Variants in FAM241A observed in about 807,000 individuals in gnomAD.
The protein encoded by FAM241A is uncharacterized protein FAM241A.
A neutral mutation model predicts 12.2 loss-of-function variants in FAM241A; 7 were observed. The observed-to-expected ratio is 0.58, with a 90% CI of 0.33 to 1.08. The LOEUF is 1.08. FAM241A is among the 50% of genes least tolerant of loss of function. The pLI, the probability that FAM241A is intolerant of heterozygous loss-of-function variation, is 0.04. For synonymous variants in FAM241A, 74 were observed against 68.2 expected (o/e 1.08, Z -0.42); for missense variants, 161 against 169.7 (o/e 0.95, Z 0.29).
intron 1 of FAM241A, among the ~76,000 whole-genome samples, chr4:112,163,661 A>G (rs1052302589): frequency 2.0e-5 from 3 of 152,244 alleles, no homozygotes; most frequent in African/African-American, 7.2e-5. Context: ...TTAGGAAACA[A>G]CTGGTGCTGG....
At chr4:112,149,373 C>T (rs761231377) in intron 1 of FAM241A, among the ~76,000 whole-genome samples, 7 of 152,112 alleles carry the variant, frequency 4.6e-5, no homozygotes, top group Non-Finnish European at 1.0e-4. Flanking sequence ...AAGGTTGTGT[C>T]ATTTTCCCAT....
At position 112,166,974 on chromosome 4, in the gene FAM241A, C is replaced by T. The variant is rs1165383727; in HGVS notation, c.154-19719C>T. Among the ~76,000 whole-genome samples, 3 of 105,444 alleles carry T rather than the reference C, an allele frequency of 2.8e-5. 1 individual carries two copies. The allele number at this position is 105,444 out of a possible 152,430, so 69.2% of individuals were successfully genotyped here. A position where few individuals can be genotyped will look rare whatever the true frequency, so the allele number is the denominator to read the frequency against. ...CTAAAAATACAAAAAATTAGCCGGG[C>T]GTAGTGGCGGGCGCCTGTAGTCCCA... On this transcript the variant is annotated intron_variant, in intron 1 of 1. Transcript: ENST00000309733.
At chr4:112,162,095 G>A (rs968233381) in intron 1 of FAM241A, among the ~76,000 whole-genome samples, 4 of 152,082 alleles carry the variant, frequency 2.6e-5, no homozygotes, top group African/African-American at 7.2e-5. Context: ...AAAGGCCTTC[G>A]ACAAAATTCA....
chr4:112,194,007 A>G lies in FAM241A; in HGVS notation c.*7069A>G, dbSNP rs562612624. On this transcript the variant is annotated 3_prime_UTR_variant, in exon 2 of 2. Coordinates refer to ENST00000309733, the MANE Select transcript of FAM241A (RefSeq NM_152400.3). ...ATGGAATGTTCTTCCATTTGTTTGTATCCTCTTTTATTTCATTGAGCAGTG... is the reference window on the plus strand; with the variant it reads ...ATGGAATGTTCTTCCATTTGTTTGTGTCCTCTTTTATTTCATTGAGCAGTG... The G allele has an allele frequency of 2.8e-4, 41 of 147,132 alleles. No homozygotes were observed. Among genetic ancestry groups the G allele is most frequent in the Admixed American group, 1.5e-3 (22 of 14,676 alleles). The allele number at this position is 147,132 out of a possible 1,614,324, so 9.1% of individuals were successfully genotyped here.
intron 1 of FAM241A, among the ~76,000 whole-genome samples, chr4:112,152,576 A>G (rs1414700806): frequency 6.6e-6 from 1 of 152,068 alleles, no homozygotes; most frequent in African/African-American, 2.4e-5. Context: ...TTTCTCACAC[A>G]TTCCTTTTCT....
intron 1 of FAM241A, among the ~76,000 whole-genome samples, chr4:112,146,090 C>A (rs1412700538): frequency 1.3e-5 from 2 of 152,172 alleles, no homozygotes; most frequent in Non-Finnish European, 2.9e-5. Flanking sequence ...GTAAACACTT[C>A]TTTTTCAACT....
At chr4:112,146,483 A>T (rs1408122162) in intron 1 of FAM241A, among the ~76,000 whole-genome samples, 1 of 152,216 alleles carries the variant, frequency 6.6e-6, no homozygotes, top group Non-Finnish European at 1.5e-5. Flanking sequence ...AGATTAGGCA[A>T]AAGGTTTAAT....
At chr4:112,178,120 A>G (rs951719653) in intron 1 of FAM241A, among the ~76,000 whole-genome samples, 1 of 152,168 alleles carries the variant, frequency 6.6e-6, no homozygotes, top group African/African-American at 2.4e-5. Context: ...GTGACAGAAA[A>G]TAGATATATA....
rs989157127 is a variant in FAM241A, at chr4:112,190,400, A to G, written c.*3462A>G. ...GGAGAAAAAAAAATGTAAGACGGCC[A>G]GGCGCGGTGGCTCATCCCTATAAAA... On this transcript the variant is annotated 3_prime_UTR_variant, in exon 2 of 2. Transcript: ENST00000309733. 6.6e-6 allele frequency: 1 copy of G among 152,106 alleles called. No individual in the cohort carries two copies. Among genetic ancestry groups the G allele is most frequent in the African/African-American group, 2.4e-5 (1 of 41,432 alleles). 9.4% of individuals were successfully genotyped at this position (152,106 alleles called of 1,614,324 possible). A position where few individuals can be genotyped will look rare whatever the true frequency, so the allele number is the denominator to read the frequency against.
At chr4:112,173,362 G>A (rs950958418) in intron 1 of FAM241A, among the ~76,000 whole-genome samples, 1 of 152,194 alleles carries the variant, frequency 6.6e-6, no homozygotes, top group African/African-American at 2.4e-5. Context: ...ATAGGTTTGA[G>A]TGTGACATTT....
At chr4:112,170,990 G>T (rs1197336224) in intron 1 of FAM241A, among the ~76,000 whole-genome samples, 1 of 151,792 alleles carries the variant, frequency 6.6e-6, no homozygotes, top group Non-Finnish European at 1.5e-5. Flanking sequence ...GGGATTAAAG[G>T]TTAGAGATTG....
At chr4:112,181,598 T>A (rs747858436) in intron 1 of FAM241A, among the ~76,000 whole-genome samples, 2 of 152,178 alleles carry the variant, frequency 1.3e-5, no homozygotes, top group South Asian at 4.1e-4. Flanking sequence ...TCAGAATGCA[T>A]TGAAAGAGCA....
In FAM241A at chr4:112,179,918, T is replaced by TAG. The variant is rs933113839; in HGVS notation, c.154-6774_154-6773insGA. Among the ~76,000 whole-genome samples the TAG allele has an allele frequency of 1.2e-4, 15 of 123,056 alleles. 1 individual carries two copies. Among genetic ancestry groups the TAG allele is most frequent in the African/African-American group, 4.5e-4 (15 of 33,676 alleles). The allele number at this position is 123,056 out of a possible 152,430, so 80.7% of individuals were successfully genotyped here. Reference sequence around the variant, plus strand: ...TGGATTGCATAAAGAAAATGTGATATATATATATATATATATATATGTATA... The same window carrying TAG: ...TGGATTGCATAAAGAAAATGTGATATAGATATATATATATATATATATGTATA... On this transcript the variant is annotated intron_variant, in intron 1 of 1. Transcript: ENST00000309733.
chr4:112,178,315 C>G (rs897658565), intron 1 of FAM241A, among the ~76,000 whole-genome samples: 2 of 152,110 alleles, frequency 1.3e-5, no homozygotes, highest in African/African-American at 2.4e-5. Flanking sequence ...GTGGATCAAA[C>G]TGATTTCACA....
chr4:112,194,075 G>T lies in FAM241A; in HGVS notation c.*7137G>T, dbSNP rs1724219729. ...AAGAGGTCCTTCACGTCCCTTGTAA[G>T]TTGGATTCCTAGGTATTTTGTTCTC... On this transcript the variant is annotated 3_prime_UTR_variant, in exon 2 of 2. Coordinates refer to ENST00000309733, the MANE Select transcript of FAM241A (RefSeq NM_152400.3). The T allele has an allele frequency of 7.1e-6, 1 of 139,868 alleles. No homozygotes were observed. Among genetic ancestry groups the T allele is most frequent in the African/African-American group, 2.8e-5 (1 of 35,346 alleles). 8.7% of individuals were successfully genotyped at this position (139,868 alleles called of 1,614,324 possible). A position where few individuals can be genotyped will look rare whatever the true frequency, so the allele number is the denominator to read the frequency against.
intron 1 of FAM241A, among the ~76,000 whole-genome samples, chr4:112,176,972 T>G (rs891329426): frequency 3.3e-5 from 5 of 152,214 alleles, no homozygotes; most frequent in Non-Finnish European, 7.4e-5. Flanking sequence ...TGAAGTCTTA[T>G]GGGTTTGCTT....
In FAM241A at chr4:112,187,095, T is replaced by C. The variant is rs1724063642; in HGVS notation, c.*157T>C. On this transcript the variant is annotated 3_prime_UTR_variant, in exon 2 of 2. Coordinates refer to ENST00000309733, the MANE Select transcript of FAM241A (RefSeq NM_152400.3). Reference sequence around the variant, plus strand: ...TTTATACATGGATGTCACTTAAAACTAAACTCTTGATCATAACAGGGTTGA... The same window carrying C: ...TTTATACATGGATGTCACTTAAAACCAAACTCTTGATCATAACAGGGTTGA... 5 of 747,704 alleles carry C rather than the reference T, an allele frequency of 6.7e-6. No individual in the cohort carries two copies. Among genetic ancestry groups the C allele is most frequent in the Non-Finnish European group, 1.1e-5 (5 of 454,410 alleles). The allele number at this position is 747,704 out of a possible 1,614,324, so 46.3% of individuals were successfully genotyped here. A position where few individuals can be genotyped will look rare whatever the true frequency, so the allele number is the denominator to read the frequency against.
At chr4:112,181,368 C>T (rs527282403) in intron 1 of FAM241A, among the ~76,000 whole-genome samples, 1 of 151,046 alleles carries the variant, frequency 6.6e-6, no homozygotes, top group Non-Finnish European at 1.5e-5. Context: ...TCAAATACTT[C>T]TCTAATGCCT....
chr4:112,162,948 G>T (rs1360044807), intron 1 of FAM241A, among the ~76,000 whole-genome samples: 1 of 152,178 alleles, frequency 6.6e-6, no homozygotes, highest in Non-Finnish European at 1.5e-5. Flanking sequence ...GCATGGTACT[G>T]CTACGAAAAC....
Sources: allele counts gnomAD v4.1 joint callset (sites outside exome capture counted in the v4.1 genomes callset), GRCh38; gene constraint gnomAD v4.1.1; transcripts MANE v1.5; gene names NCBI Gene and HGNC (gene_info 2026-07-23, HGNC 2026-07-21).